Variants in ROBO2 observed in about 807,000 individuals in gnomAD.
The protein encoded by ROBO2 is roundabout homolog 2.
In ROBO2, 53 loss-of-function variants were observed where a neutral mutation model predicts 160.8. That is an observed-to-expected ratio of 0.33 (90% CI 0.26 to 0.41). ROBO2 has a LOEUF of 0.41. Ranked by LOEUF, ROBO2 falls within the 10% of genes least tolerant of loss-of-function variation. The pLI is 1.00. For missense variants in ROBO2, 1,577 were observed against 1,722.4 expected, an observed-to-expected ratio of 0.92 and a Z score of 1.49; for synonymous variants, 664 against 611.7, an observed-to-expected ratio of 1.09 and a Z score of -1.26.
chr3:76,110,445 A>T (rs2070175407), intron 2 of ROBO2, among the ~76,000 whole-genome samples: 1 of 152,144 alleles, frequency 6.6e-6, no homozygotes, highest in Non-Finnish European at 1.5e-5. Context: ...AGGCCTAATT[A>T]TTGTTTAGCA....
At chr3:77,181,012 T>G (rs2080730904) in intron 2 of ROBO2, among the ~76,000 whole-genome samples, 1 of 152,076 alleles carries the variant, frequency 6.6e-6, no homozygotes, top group Non-Finnish European at 1.5e-5. Flanking sequence ...TTATAAAATT[T>G]GCACCTACTT....
intron 2 of ROBO2, among the ~76,000 whole-genome samples, chr3:76,824,036 G>C (rs941175972): frequency 5.3e-5 from 8 of 152,236 alleles, no homozygotes; most frequent in African/African-American, 1.7e-4. Context: ...TCTTTCAGGG[G>C]CCATGATCCT....
At chr3:77,319,299 T>C (rs905123132) in intron 2 of ROBO2, among the ~76,000 whole-genome samples, 1 of 152,222 alleles carries the variant, frequency 6.6e-6, no homozygotes, top group Non-Finnish European at 1.5e-5. Flanking sequence ...TTTTACATCC[T>C]GTATTGTTTA....
intron 2 of ROBO2, among the ~76,000 whole-genome samples, chr3:76,303,798 A>G (rs2071189576): frequency 6.6e-6 from 1 of 152,172 alleles, no homozygotes; most frequent in South Asian, 2.1e-4. Context: ...GGTTCAACTA[A>G]TGCAGCTTGC....
intron 2 of ROBO2, among the ~76,000 whole-genome samples, chr3:76,928,259 C>T (rs1366908832): frequency 6.6e-6 from 1 of 152,058 alleles, no homozygotes. Context: ...AAGTCAGAAC[C>T]AGCAAGGGAA....
At chr3:75,910,686 C>A (rs1427670463) in intron 1 of ROBO2, among the ~76,000 whole-genome samples, 3 of 152,028 alleles carry the variant, frequency 2.0e-5, no homozygotes, top group African/African-American at 7.2e-5. Flanking sequence ...TGTTTCAAAG[C>A]AAATAAATTT....
intron 2 of ROBO2, among the ~76,000 whole-genome samples, chr3:76,440,885 C>T (rs1315358010): frequency 8.8e-6 from 1 of 113,744 alleles, no homozygotes; most frequent in Non-Finnish European, 1.6e-5. Flanking sequence ...ACACAAACTT[C>T]ATGTGGCATG....
At chr3:76,460,295 T>A (rs565970850) in intron 2 of ROBO2, among the ~76,000 whole-genome samples, 1 of 152,114 alleles carries the variant, frequency 6.6e-6, no homozygotes, top group South Asian at 2.1e-4. Flanking sequence ...CATATCAAGG[T>A]AAGCCATTAT....
At chr3:76,501,300 G>A (rs2080451540) in intron 2 of ROBO2, among the ~76,000 whole-genome samples, 1 of 152,154 alleles carries the variant, frequency 6.6e-6, no homozygotes, top group Admixed American at 6.6e-5. Flanking sequence ...AGGGATCAAA[G>A]TCTCTGCTAT....
At chr3:76,215,302 C>T (rs1048236406) in intron 2 of ROBO2, among the ~76,000 whole-genome samples, 1 of 152,178 alleles carries the variant, frequency 6.6e-6, no homozygotes, top group Non-Finnish European at 1.5e-5. Flanking sequence ...TGGAACAAAG[C>T]TGGATGGAGA....
intron 1 of ROBO2, among the ~76,000 whole-genome samples, chr3:77,086,520 A>G (rs1410302864): frequency 6.6e-6 from 1 of 152,162 alleles, no homozygotes; most frequent in African/African-American, 2.4e-5. Context: ...ACATGCACAT[A>G]TCTGCACAAA....
intron 2 of ROBO2, among the ~76,000 whole-genome samples, chr3:76,669,570 C>T (rs779776374): frequency 2.0e-5 from 3 of 152,038 alleles, no homozygotes; most frequent in Non-Finnish European, 2.9e-5. Flanking sequence ...CCTGCCTGCC[C>T]CCTTCCTTTA....
intron 2 of ROBO2, among the ~76,000 whole-genome samples, chr3:76,207,841 G>A (rs1336954958): frequency 6.6e-6 from 1 of 152,176 alleles, no homozygotes; most frequent in African/African-American, 2.4e-5. Context: ...AATGTGATAT[G>A]GTTTAGATCT....
chr3:76,413,377 A>C (rs943334248), intron 2 of ROBO2, among the ~76,000 whole-genome samples: 20 of 152,226 alleles, frequency 1.3e-4, no homozygotes, highest in African/African-American at 4.8e-4. Context: ...TTCTCCCCAG[A>C]AAATGGGTTT....
chr3:76,874,614 G>A (rs896300199), intron 2 of ROBO2, among the ~76,000 whole-genome samples: 2 of 152,190 alleles, frequency 1.3e-5, no homozygotes, highest in Non-Finnish European at 1.5e-5. Context: ...AGGAGAAAAT[G>A]ATGGTTATTT....
intron 23 of ROBO2, chr3:77,631,396 A>G (rs1315638961): frequency 2.0e-5 from 3 of 152,090 alleles, no homozygotes; most frequent in Admixed American, 6.6e-5. Flanking sequence ...GGTCTATAGC[A>G]TTTGACTTTC....
chr3:77,519,501 C>T (rs184295364), intron 5 of ROBO2, among the ~76,000 whole-genome samples: 1 of 151,120 alleles, frequency 6.6e-6, no homozygotes, highest in Admixed American at 6.6e-5. Flanking sequence ...CAGCCCTTAA[C>T]CCCCTCCTTC....
intron 2 of ROBO2, among the ~76,000 whole-genome samples, chr3:76,964,725 A>G (rs890667869): frequency 2.6e-5 from 4 of 152,204 alleles, no homozygotes; most frequent in African/African-American, 4.8e-5. Flanking sequence ...CTGACTTTAC[A>G]TTCCTAGTAT....
intron 2 of ROBO2, among the ~76,000 whole-genome samples, chr3:77,468,871 T>G (rs542354405): frequency 6.6e-6 from 1 of 152,312 alleles, no homozygotes; most frequent in Admixed American, 6.5e-5. Context: ...GTCAGCATGC[T>G]ACAGGGTGCC....
Sources: allele counts gnomAD v4.1 joint callset (sites outside exome capture counted in the v4.1 genomes callset), GRCh38; gene constraint gnomAD v4.1.1; transcripts MANE v1.5; gene names NCBI Gene and HGNC (gene_info 2026-07-23, HGNC 2026-07-21).